Variants in PSD3 observed in about 807,000 individuals in gnomAD.
PSD3 encodes pleckstrin and Sec7 domain containing 3.
In PSD3, 49 loss-of-function variants were observed where a neutral mutation model predicts 105.5. The observed-to-expected ratio is 0.46, with a 90% CI of 0.37 to 0.59. The LOEUF (loss-of-function observed/expected upper bound fraction) is 0.59, where lower values mean the gene tolerates loss of function less well. Ranked by LOEUF, PSD3 falls within the 20% of genes least tolerant of loss-of-function variation. The pLI is 0.00. For missense variants in PSD3, 1,561 were observed against 1,263.8 expected, an observed-to-expected ratio of 1.24 and a Z score of -3.57; for synonymous variants, 557 against 457.8, an observed-to-expected ratio of 1.22 and a Z score of -2.77.
At chr8:18,685,838 A>G (rs79863279) in intron 9 of PSD3, among the ~76,000 whole-genome samples, 4,705 of 152,248 alleles carry the variant, frequency 0.031, 268 homozygotes, top group East Asian at 0.2. Flanking sequence ...AACTAATACC[A>G]TAATAAAGAT....
At chr8:18,885,543 G>T (rs143218770) in intron 2 of PSD3, among the ~76,000 whole-genome samples, 19 of 152,290 alleles carry the variant, frequency 1.2e-4, no homozygotes, top group Non-Finnish European at 2.1e-4. Flanking sequence ...TACAGCTGTG[G>T]ACTTCTTTAA....
chr8:19,043,690 T>C (rs913728648), intron 1 of PSD3, among the ~76,000 whole-genome samples: 7 of 152,200 alleles, frequency 4.6e-5, no homozygotes, highest in Admixed American at 2.6e-4. Flanking sequence ...GTGGGCTTAA[T>C]GCCTTAATAA....
chr8:18,787,376 T>C (rs114714554), intron 8 of PSD3, among the ~76,000 whole-genome samples: 167 of 152,304 alleles, frequency 1.1e-3, no homozygotes, highest in African/African-American at 3.8e-3. Flanking sequence ...TTGAAATCAA[T>C]ATATTTTCTA....
intron 9 of PSD3, among the ~76,000 whole-genome samples, chr8:18,761,620 C>T (rs1179553247): frequency 2.0e-5 from 3 of 152,170 alleles, no homozygotes; most frequent in Non-Finnish European, 1.5e-5. Flanking sequence ...TCTCAAAACA[C>T]AGCCTACAAT....
intron 2 of PSD3, among the ~76,000 whole-genome samples, chr8:18,874,700 C>T (rs1406306443): frequency 1.1e-5 from 1 of 93,852 alleles, no homozygotes; most frequent in African/African-American, 4.9e-5. Flanking sequence ...AAGACTCCAT[C>T]TCAAAAAAAA....
chr8:18,728,891 G>A (rs1027487675), intron 9 of PSD3, among the ~76,000 whole-genome samples: 1 of 152,140 alleles, frequency 6.6e-6, no homozygotes, highest in Non-Finnish European at 1.5e-5. Context: ...CAGAGAGGGT[G>A]GACGCCTCAC....
At chr8:18,905,041 T>C (rs1007297975) in intron 2 of PSD3, among the ~76,000 whole-genome samples, 8 of 152,186 alleles carry the variant, frequency 5.3e-5, no homozygotes, top group African/African-American at 1.9e-4. Flanking sequence ...TATTAAATTA[T>C]AAGAAAGGTA....
At chr8:18,657,140 GCAGGTT>G (rs1808959913) in intron 9 of PSD3, among the ~76,000 whole-genome samples, 2 of 152,118 alleles carry the variant, frequency 1.3e-5, no homozygotes, top group South Asian at 2.1e-4. Flanking sequence ...ACAAGAAAAG[GCAGGTT>G]CAGAAAGTTG....
At chr8:18,667,185 T>C (rs983028942) in intron 9 of PSD3, among the ~76,000 whole-genome samples, 2 of 152,188 alleles carry the variant, frequency 1.3e-5, no homozygotes, top group Admixed American at 6.5e-5. Context: ...CACATCCTGC[T>C]GATTGGTCCA....
chr8:19,050,170 A>G (rs1238851114), intron 1 of PSD3, among the ~76,000 whole-genome samples: 1 of 152,234 alleles, frequency 6.6e-6, no homozygotes, highest in African/African-American at 2.4e-5. Context: ...TTTGCAAATT[A>G]GAAAAAAGAA....
intron 9 of PSD3, among the ~76,000 whole-genome samples, chr8:18,695,595 C>T (rs74418177): frequency 0.18 from 27,406 of 152,036 alleles, 2,860 homozygotes; most frequent in South Asian, 0.28. Flanking sequence ...TAATAAAAAA[C>T]ACCCTTAAAC....
At chr8:18,642,102 G>C (rs1427705743) in intron 10 of PSD3, among the ~76,000 whole-genome samples, 3 of 152,216 alleles carry the variant, frequency 2.0e-5, no homozygotes, top group African/African-American at 7.2e-5. Flanking sequence ...GAAAGATGTA[G>C]GCTAGTAACT....
intron 9 of PSD3, among the ~76,000 whole-genome samples, chr8:18,754,749 T>C (rs1454384584): frequency 1.3e-5 from 2 of 152,176 alleles, no homozygotes; most frequent in Admixed American, 6.5e-5. Flanking sequence ...TTGTTTTCAC[T>C]TTTTTTAGTC....
At chr8:19,063,441 C>T (rs1356970472) in intron 1 of PSD3, among the ~76,000 whole-genome samples, 2 of 152,132 alleles carry the variant, frequency 1.3e-5, no homozygotes, top group African/African-American at 4.8e-5. Context: ...CAGGCTAAAT[C>T]TAGATTTTTA....
intron 9 of PSD3, among the ~76,000 whole-genome samples, chr8:18,685,890 C>G (rs1733760637): frequency 6.6e-6 from 1 of 152,118 alleles, no homozygotes; most frequent in African/African-American, 2.4e-5. Flanking sequence ...GAGCGCCTGC[C>G]TCTGTGTGGG....
At chr8:18,948,932 G>C (rs1258928639) in intron 1 of PSD3, among the ~76,000 whole-genome samples, 2 of 151,646 alleles carry the variant, frequency 1.3e-5, no homozygotes, top group East Asian at 3.9e-4. Flanking sequence ...GTGACCTCTT[G>C]GTGGCAACTG....
Position 19,057,504 on chromosome 8 carries a change from T to C in PSD3, c.324+26702A>G, listed in dbSNP as rs57532394. Among the ~76,000 whole-genome samples, 287 of 152,352 alleles carry C rather than the reference T, an allele frequency of 1.9e-3. 4 individuals are homozygous for C. The East Asian group carries it at 0.04, about 21-fold the overall frequency. On this transcript the variant is annotated intron_variant, in intron 1 of 1. Transcript: ENST00000521475. ...AGGACTTACATTCAATGATCTCTAC[T>C]AGTTTGGCTATACCAGTTGTTAAAT...
At chr8:18,952,153 G>C (rs536439731) in intron 1 of PSD3, among the ~76,000 whole-genome samples, 2 of 152,240 alleles carry the variant, frequency 1.3e-5, no homozygotes, top group South Asian at 4.1e-4. Flanking sequence ...GATTCACCAA[G>C]AGGTGTCCTC....
chr8:18,829,689 C>T (rs918109635), intron 4 of PSD3, among the ~76,000 whole-genome samples: 2 of 152,104 alleles, frequency 1.3e-5, no homozygotes, highest in East Asian at 1.9e-4. Context: ...CCTGCGGAAA[C>T]CCTCGACTGA....
Sources: allele counts gnomAD v4.1 joint callset (sites outside exome capture counted in the v4.1 genomes callset), GRCh38; gene constraint gnomAD v4.1.1; transcripts MANE v1.5; gene names NCBI Gene and HGNC (gene_info 2026-07-23, HGNC 2026-07-21).